Variants in MYEF2 observed in about 807,000 individuals in gnomAD.
MYEF2 encodes the protein myelin gene expression factor 2.
In MYEF2, 37 loss-of-function variants were observed where a neutral mutation model predicts 75.2. That is an observed-to-expected ratio of 0.49 (90% CI 0.38 to 0.65). The LOEUF is 0.65. Among genes scored for constraint, MYEF2 ranks in the 30% least tolerant of loss-of-function variants. MYEF2 has a pLI of 0.00. For synonymous variants in MYEF2, 195 were observed against 241.6 expected, an observed-to-expected ratio of 0.81 and a Z score of 1.79; for missense variants, 634 against 771.4, an observed-to-expected ratio of 0.82 and a Z score of 2.11.
chr15:48,150,995 T>C (rs976697329), intron 14 of MYEF2, 105 bp downstream of exon 14: 3 of 631,230 alleles, frequency 4.8e-6, no homozygotes, highest in Non-Finnish European at 5.3e-6. Context: ...CAAGACACAT[T>C]AACGTATAAG....
chr15:48,160,486 T>TACATACACAC (rs200591805), intron 5 of MYEF2, among the ~76,000 whole-genome samples: 4,734 of 139,228 alleles, frequency 0.034, 186 homozygotes, highest in African/African-American at 0.095. Flanking sequence ...AAACCAAACA[T>TACATACACAC]ACACACACAC....
In MYEF2 at chr15:48,142,257, TCTGC is replaced by T. The variant is rs1195116971; in HGVS notation, c.*647_*650del. 2 of 1,613,508 alleles carry T rather than the reference TCTGC, an allele frequency of 1.2e-6. No individual in the cohort carries two copies. The highest frequency in any genetic ancestry group is 4.5e-5 in the East Asian group (2 of 44,800). On this transcript the variant is annotated 3_prime_UTR_variant, in exon 17 of 17. Transcript: ENST00000324324. ...AAACTAGACAGAAAGTTGGGAATAG[TCTGC>T]CTATTATCATACTTGGGGCTTGCTA...
intron 1 of MYEF2, among the ~76,000 whole-genome samples, chr15:48,174,994 C>T (rs1473748700): frequency 6.6e-6 from 1 of 152,046 alleles, no homozygotes; most frequent in African/African-American, 2.4e-5. Flanking sequence ...CTCCCATGTT[C>T]GCTGCATCAT....
In MYEF2 at chr15:48,138,954, C is replaced by T. The variant is rs1267489339; in HGVS notation, c.*3954G>A. On this transcript the variant is annotated 3_prime_UTR_variant, in exon 17 of 17. Transcript: ENST00000324324. ...ATTTGAGAAAACTCAAAAGTGTTTA[C>T]TTTTTCCACAACAGATCCACCAAGT... 2 of 1,593,578 alleles carry T rather than the reference C, an allele frequency of 1.3e-6. No individual in the cohort carries two copies. The highest frequency in any genetic ancestry group is 2.2e-5 in the East Asian group (1 of 44,588).
Position 48,149,398 on chromosome 15 carries a change from AT to A in MYEF2, c.1379-28del. 6.2e-7 allele frequency: 1 copy of A among 1,603,140 alleles called. No homozygotes were observed. The highest frequency in any genetic ancestry group is 1.3e-5 in the African/African-American group (1 of 74,668). On this transcript the variant is annotated intron_variant, in intron 14 of 16. Transcript: ENST00000324324. The surrounding 1 kb of genome is among the most constrained non-coding windows in gnomAD (Gnocchi z 4.0). ...TGGATTTTCAAGAAAGGACGGGGGG[AT>A]TTGGGAATTTTGTGTTTTTGTTTCA...
chr15:48,148,622 G>C (rs2039377958), intron 16 of MYEF2, among the ~76,000 whole-genome samples: 1 of 151,834 alleles, frequency 6.6e-6, no homozygotes, highest in Non-Finnish European at 1.5e-5. Context: ...ATCTCAGTTG[G>C]TTATGCTGAT....
At chr15:48,176,467 G>C (rs956774229) in intron 1 of MYEF2, among the ~76,000 whole-genome samples, 1 of 152,044 alleles carries the variant, frequency 6.6e-6, no homozygotes, top group Non-Finnish European at 1.5e-5. Context: ...TCCTAAATTA[G>C]AAAAGGATTC....
chr15:48,153,257 T>C (rs1221904594), intron 10 of MYEF2: 1 of 152,152 alleles, frequency 6.6e-6, no homozygotes, highest in Non-Finnish European at 1.5e-5. Context: ...AATTTCTAAT[T>C]TTTCATTTAT....
At chr15:48,159,455 T>C (rs981358435) in intron 6 of MYEF2, 158 bp downstream of exon 6, 3 of 630,366 alleles carry the variant, frequency 4.8e-6, no homozygotes, top group African/African-American at 3.7e-5. Flanking sequence ...TGTGTATATA[T>C]ATGTATATAC....
At chr15:48,157,953 A>T in intron 9 of MYEF2, 40 bp downstream of exon 9, 2 of 1,609,438 alleles carry the variant, frequency 1.2e-6, no homozygotes, top group Non-Finnish European at 1.7e-6. Flanking sequence ...AAACAAACCA[A>T]AAAAAGCCTA....
intron 10 of MYEF2, chr15:48,153,346 G>T (rs2039568336): frequency 6.6e-6 from 1 of 152,028 alleles, no homozygotes; most frequent in Non-Finnish European, 1.5e-5. Flanking sequence ...ATATAAAAGG[G>T]TCCTAACACC....
intron 5 of MYEF2, among the ~76,000 whole-genome samples, chr15:48,161,140 CATACA>C (rs576548854): frequency 1.3e-5 from 2 of 151,992 alleles, no homozygotes; most frequent in Non-Finnish European, 2.9e-5. Flanking sequence ...AATATATACA[CATACA>C]ATACATGCAT....
intron 16 of MYEF2, among the ~76,000 whole-genome samples, chr15:48,146,630 T>C (rs748803703): frequency 2.0e-5 from 3 of 151,990 alleles, no homozygotes; most frequent in Non-Finnish European, 4.4e-5. Context: ...CTGACAGATA[T>C]TGTTTATGGG....
At chr15:48,157,691 G>T in intron 9 of MYEF2, 1 of 977,812 alleles carries the variant, frequency 1.0e-6, no homozygotes, top group African/African-American at 1.7e-5. Context: ...GTTATAATGA[G>T]GTTACCCACA....
In MYEF2 at chr15:48,142,603, G is replaced by A. The variant is rs986204345; in HGVS notation, c.*305C>T. The A allele has an allele frequency of 2.5e-5, 11 of 442,910 alleles. No individual in the cohort carries two copies. The highest frequency in any genetic ancestry group is 4.3e-5 in the Non-Finnish European group (11 of 255,384). The allele number at this position is 442,910 out of a possible 1,614,324, so 27.4% of individuals were successfully genotyped here. On this transcript the variant is annotated 3_prime_UTR_variant, in exon 17 of 17. Transcript: ENST00000324324. ...CCATACAATAAGTTGACAAAAACTGGAGAAACTAGAACAAACAAATCCAAC... is the reference window on the plus strand; with the variant it reads ...CCATACAATAAGTTGACAAAAACTGAAGAAACTAGAACAAACAAATCCAAC...
chr15:48,156,796 T>G (rs2039715077), intron 9 of MYEF2, among the ~76,000 whole-genome samples: 1 of 151,848 alleles, frequency 6.6e-6, no homozygotes, highest in African/African-American at 2.4e-5. Context: ...AAAAGCAAGT[T>G]ACATAATACA....
intron 9 of MYEF2, among the ~76,000 whole-genome samples, chr15:48,155,477 A>G (rs1023925794): frequency 1.3e-5 from 2 of 152,188 alleles, no homozygotes; most frequent in Non-Finnish European, 2.9e-5. Context: ...ACAGTGTTAC[A>G]GCAGAAAAAG....
At chr15:48,177,988 T>C (rs904190988) in intron 1 of MYEF2, 89 bp downstream of exon 1, 37 of 1,483,732 alleles carry the variant, frequency 2.5e-5, no homozygotes, top group Non-Finnish European at 3.4e-5. Flanking sequence ...GGGGTGGTTG[T>C]CCCCCATCGG....
chr15:48,174,150 C>T (rs2040433159), intron 1 of MYEF2, among the ~76,000 whole-genome samples: 1 of 151,980 alleles, frequency 6.6e-6, no homozygotes, highest in African/African-American at 2.4e-5. Flanking sequence ...ACACACAGAC[C>T]AATGGAGCAT....
Sources: allele counts gnomAD v4.1 joint callset (sites outside exome capture counted in the v4.1 genomes callset), GRCh38; gene constraint gnomAD v4.1.1; non-coding constraint Gnocchi (gnomAD v3.1); transcripts MANE v1.5; gene names NCBI Gene and HGNC (gene_info 2026-07-23, HGNC 2026-07-21).